DISP1: variants seen among roughly 807,000 people sequenced by gnomAD.
The protein encoded by DISP1 is dispatched RND transporter family member 1.
Under a neutral mutation model 37.3 loss-of-function variants are expected in DISP1, and 30 were observed. The ratio of observed to expected loss-of-function variants is 0.80; its 90% CI spans 0.60 to 1.09. The LOEUF (loss-of-function observed/expected upper bound fraction) is 1.09, where lower values mean the gene tolerates loss of function less well. Ranked by LOEUF, DISP1 falls within the 50% of genes least tolerant of loss-of-function variation. DISP1 has a pLI of 0.00. For missense variants in DISP1, 1,598 were observed against 1,879.5 expected (o/e 0.85, Z 2.77); for synonymous variants, 634 against 690.2 (o/e 0.92, Z 1.28).
Position 222,990,694 on chromosome 1 carries a change from T to C in DISP1, c.609T>C (p.Cys203=), listed in dbSNP as rs773425645. ...LGMCTMFIVV[C]ALVGVLVPEL... ...TGTGCACCATGTTCATCGTAGTCTGTGCCTTGGTTGGAGTATTAGTGCCAG... is the reference window on the plus strand; with the variant it reads ...TGTGCACCATGTTCATCGTAGTCTGCGCCTTGGTTGGAGTATTAGTGCCAG... Residue 203 remains cysteine, a synonymous_variant, in exon 5 of 9, where the codon TGT becomes TGC. Coordinates refer to ENST00000675850, the MANE Select transcript of DISP1 (RefSeq NM_001377229.1). The C allele has an allele frequency of 1.9e-6, 3 of 1,614,188 alleles. No individual in the cohort carries two copies. The highest frequency in any genetic ancestry group is 2.5e-6 in the Non-Finnish European group (3 of 1,180,008).
At chr1:222,965,637 G>T (rs933806014) in intron 3 of DISP1, among the ~76,000 whole-genome samples, 9 of 151,916 alleles carry the variant, frequency 5.9e-5, no homozygotes, top group Non-Finnish European at 1.2e-4. Flanking sequence ...GACCATTTCT[G>T]CCCTCTTTCA....
chr1:222,920,096 C>G (rs928195135), intron 1 of DISP1, among the ~76,000 whole-genome samples: 2 of 152,042 alleles, frequency 1.3e-5, no homozygotes, highest in African/African-American at 2.4e-5. Context: ...GTAAAGGTAA[C>G]CTTCTCTATA....
chr1:223,004,874 T>C lies in DISP1; in HGVS notation c.3477T>C (p.Ser1159=). 1 of 1,609,142 alleles carries C rather than the reference T, an allele frequency of 6.2e-7. No individual in the cohort carries two copies. Among genetic ancestry groups the C allele is most frequent in the Non-Finnish European group, 8.5e-7 (1 of 1,180,000 alleles). The part of the protein sequence containing the change: ...LQCSAFSHAL[S]TSPSDKGQSK... The stretch of plus-strand genomic sequence containing the variant: ...GCAGTGCCTTTTCCCATGCCTTGTC[T>C]ACAAGTCCCAGTGACAAGGGACAAA... Residue 1159 remains serine, a synonymous_variant, in exon 9 of 9, where the codon TCT becomes TCC. Coordinates refer to ENST00000675850, the MANE Select transcript of DISP1 (RefSeq NM_001377229.1). This position sits in a 1 kb window ranked among gnomAD's most constrained non-coding sequence, Gnocchi z 4.9.
In DISP1 at chr1:222,896,181, T is replaced by C. The variant is rs185933085; in HGVS notation, c.-158-32249T>C. Among the ~76,000 whole-genome samples the C allele has an allele frequency of 2.1e-3, 321 of 152,236 alleles. 2 individuals carry two copies. Among genetic ancestry groups the C allele is most frequent in the African/African-American group, 7.1e-3 (297 of 41,552 alleles). ...AAAATTAGCTGAGCATGGTGATGCA[T>C]GCCTGTGGTCCCAGCTACCGGTAGG... is the stretch of plus-strand genomic sequence containing the variant. On this transcript the variant is annotated intron_variant, in intron 1 of 8. Coordinates refer to ENST00000675850, the MANE Select transcript of DISP1 (RefSeq NM_001377229.1).
intron 1 of DISP1, among the ~76,000 whole-genome samples, chr1:222,883,186 C>A (rs919397150): frequency 6.6e-6 from 1 of 151,950 alleles, no homozygotes; most frequent in African/African-American, 2.4e-5. Flanking sequence ...AGTGTTCATA[C>A]GCTTTAACAC....
At chr1:222,967,517 A>G (rs774450990) in intron 3 of DISP1, among the ~76,000 whole-genome samples, 1 of 152,210 alleles carries the variant, frequency 6.6e-6, no homozygotes, top group Non-Finnish European at 1.5e-5. Flanking sequence ...GAAGCAAGCC[A>G]AGATTATAGA....
At chr1:222,966,521 T>A (rs1676506103) in intron 3 of DISP1, among the ~76,000 whole-genome samples, 1 of 152,248 alleles carries the variant, frequency 6.6e-6, no homozygotes, top group Admixed American at 6.5e-5. Flanking sequence ...TGTATTTTCA[T>A]AAAGTTGAAT....
In DISP1 at chr1:222,934,802, A is replaced by G. The variant is rs114216067; in HGVS notation, c.-18+6232A>G. ...GTCCATTTATATGAGTTGCACTAAA[A>G]AGATCAAAATCTTAACAGCTGTTAT... On this transcript the variant is annotated intron_variant, in intron 2 of 8. Transcript: ENST00000675850. 2.3e-3 allele frequency among the ~76,000 whole-genome samples: 353 copies of G among 152,254 alleles called. 1 individual carries two copies. Among genetic ancestry groups the G allele is most frequent in the African/African-American group, 8.3e-3 (345 of 41,564 alleles).
intron 1 of DISP1, among the ~76,000 whole-genome samples, chr1:222,838,600 TC>T (rs1269206480): frequency 1.3e-5 from 2 of 150,670 alleles, no homozygotes; most frequent in African/African-American, 4.9e-5. Context: ...TGAGACCCCA[TC>T]TACAAAGAAA....
In DISP1 at chr1:222,863,758, CATTA is replaced by C. The variant is rs141527437; in HGVS notation, c.-159+48685_-159+48688del. Among the ~76,000 whole-genome samples the C allele has an allele frequency of 1.5e-3, 230 of 152,208 alleles. 1 individual carries two copies. Among genetic ancestry groups the C allele is most frequent in the African/African-American group, 5.4e-3 (224 of 41,534 alleles). ...TCAATGAGTTGTAATCCATTGCTGT[CATTA>C]ATTATTTTGGTGCTTAAGTCATTCC... On this transcript the variant is annotated intron_variant, in intron 1 of 8. Transcript: ENST00000675850.
chr1:222,994,750 A>G lies in DISP1; in HGVS notation c.890-135A>G, dbSNP rs1226485632. ...TAACATTTTCTCCTGGAATTTATCA[A>G]AGGAAAGAATTTCCTGCTGCTAATG... On this transcript the variant is annotated intron_variant, in intron 7 of 8. Transcript: ENST00000675850. 2.8e-5 allele frequency: 19 copies of G among 675,956 alleles called. No homozygotes were observed. In the Admixed American group the frequency reaches 3.7e-4, roughly 13 times the overall value. 41.9% of individuals were successfully genotyped at this position (675,956 alleles called of 1,614,324 possible). A position where few individuals can be genotyped will look rare whatever the true frequency, so the allele number is the denominator to read the frequency against.
intron 1 of DISP1, among the ~76,000 whole-genome samples, chr1:222,877,327 A>G (rs1305471991): frequency 6.6e-6 from 1 of 152,178 alleles, no homozygotes; most frequent in Non-Finnish European, 1.5e-5. Flanking sequence ...GAAGGCAAAG[A>G]GGAGCAACTC....
intron 4 of DISP1, 67 bp from the exon 5 acceptor site, chr1:222,990,558 T>G: frequency 1.9e-6 from 3 of 1,612,706 alleles, no homozygotes; most frequent in South Asian, 2.2e-5. Context: ...AAGGGCCTTC[T>G]TTGTGCCTTC....
chr1:223,004,969 T>C lies in DISP1; in HGVS notation c.3572T>C (p.Phe1191Ser), dbSNP rs373963776. The change falls in exon 9 of 9, where the codon TTT (phenylalanine) becomes TCT (serine). Residue 1191 changes from phenylalanine (F) to serine (S), a missense_variant. Phe to Ser is a radical substitution (Grantham distance 155). Coordinates refer to ENST00000675850, the MANE Select transcript of DISP1 (RefSeq NM_001377229.1). The surrounding 1 kb of genome is among the most constrained non-coding windows in gnomAD (Gnocchi z 4.9). ...RGPKSELEHE[F>S]YELEPLASHS... ...CCAAAATCTGAACTGGAGCATGAGTTTTATGAATTAGAACCTCTGGCTTCC... is the reference window on the plus strand; with the variant it reads ...CCAAAATCTGAACTGGAGCATGAGTCTTATGAATTAGAACCTCTGGCTTCC... The C allele has an allele frequency of 1.9e-6, 3 of 1,613,774 alleles. No homozygotes were observed. Among genetic ancestry groups the C allele is most frequent in the Non-Finnish European group, 2.5e-6 (3 of 1,180,022 alleles).
At chr1:222,950,608 A>G (rs1176265289) in intron 3 of DISP1, among the ~76,000 whole-genome samples, 1 of 152,128 alleles carries the variant, frequency 6.6e-6, no homozygotes. Context: ...TCAAAAAAAA[A>G]AAACCCATGT....
chr1:222,882,743 A>G (rs1335485298), intron 1 of DISP1, among the ~76,000 whole-genome samples: 1 of 152,164 alleles, frequency 6.6e-6, no homozygotes, highest in African/African-American at 2.4e-5. Flanking sequence ...ATGGAGTTAT[A>G]TAAATTCTTT....
At chr1:222,984,079 T>TA (rs574501758) in intron 4 of DISP1, among the ~76,000 whole-genome samples, 3,207 of 151,406 alleles carry the variant, frequency 0.021, 105 homozygotes, top group African/African-American at 0.074. Flanking sequence ...TCCTTCTATT[T>TA]AAAAAAAAAT....
Position 222,943,322 on chromosome 1 carries a change from G to A in DISP1, c.499G>A (p.Ala167Thr), listed in dbSNP as rs777330970. The change falls in exon 3 of 9, where the codon GCC becomes ACC. Residue 167 changes from alanine (A) to threonine (T), a missense_variant. Coordinates refer to ENST00000675850, the MANE Select transcript of DISP1 (RefSeq NM_001377229.1). ...GCATCAGCCTGTGCAACAGCACATAGCCAACATAAGGTAAGTGATCCGAAA... is the reference window on the plus strand; with the variant it reads ...GCATCAGCCTGTGCAACAGCACATAACCAACATAAGGTAAGTGATCCGAAA... Reference protein sequence around the residue: ...FQHQPVQQHIANIRPSRPFKL... With the variant: ...FQHQPVQQHITNIRPSRPFKL... The A allele has an allele frequency of 3.7e-6, 6 of 1,614,126 alleles. No individual in the cohort carries two copies. Among genetic ancestry groups the A allele is most frequent in the Middle Eastern group, 1.6e-4 (1 of 6,084 alleles).
intron 3 of DISP1, among the ~76,000 whole-genome samples, chr1:222,962,803 T>A (rs568402278): frequency 6.6e-6 from 1 of 152,282 alleles, no homozygotes; most frequent in East Asian, 1.9e-4. Flanking sequence ...GACTTAAATG[T>A]AAAACCCAAA....
Sources: gnomAD v4.1 joint callset for allele counts (sites outside exome capture counted in the v4.1 genomes callset) on GRCh38, gnomAD v4.1.1 for gene constraint, Gnocchi (gnomAD v3.1) non-coding constraint, MANE v1.5 for transcripts, NCBI Gene and HGNC (gene_info 2026-07-23, HGNC 2026-07-21) for gene names.